The following INTS14 variants were observed in gnomAD, a reference collection of about 807,000 sequenced individuals.
INTS14 encodes the protein integrator complex subunit 14.
INTS14 carries 27 observed loss-of-function variants against 56.9 expected under a neutral mutation model. The observed-to-expected ratio is 0.47, with a 90% CI of 0.35 to 0.65. The LOEUF is 0.65. Among genes scored for constraint, INTS14 ranks in the 30% least tolerant of loss-of-function variants. The pLI is 0.00. For synonymous variants in INTS14, 207 were observed against 236.2 expected (o/e 0.88, Z 1.13); for missense variants, 517 against 632.2 (o/e 0.82, Z 1.95).
chr15:65,581,672 G>T (rs1253742339), intron 11 of INTS14, among the ~76,000 whole-genome samples: 3 of 151,894 alleles, frequency 2.0e-5, no homozygotes, highest in Non-Finnish European at 2.9e-5. Flanking sequence ...GGAGAGTTCA[G>T]GGCTATGACC....
intron 11 of INTS14, 71 bp from the exon 12 acceptor site, chr15:65,579,730 T>G: frequency 6.5e-7 from 1 of 1,531,358 alleles, no homozygotes; most frequent in Non-Finnish European, 8.8e-7. Flanking sequence ...AGTGCTCAGC[T>G]TAGCATAAGT....
At chr15:65,610,984 C>T in intron 1 of INTS14, 114 bp downstream of exon 1, 2 of 1,493,956 alleles carry the variant, frequency 1.3e-6, no homozygotes, top group South Asian at 1.3e-5. Flanking sequence ...GCGGCCGCCA[C>T]GGTGGCGGGA....
intron 5 of INTS14, 116 bp from the exon 6 acceptor site, chr15:65,598,579 A>G: frequency 9.0e-7 from 1 of 1,114,484 alleles, no homozygotes; most frequent in Non-Finnish European, 1.3e-6. Flanking sequence ...AGATCTGACC[A>G]TCTGTAAAAC....
Position 65,609,453 on chromosome 15 carries a change from G to A in INTS14, c.-63+1645C>T, listed in dbSNP as rs979079357. Among the ~76,000 whole-genome samples the A allele has an allele frequency of 7.3e-5, 11 of 151,516 alleles. 1 individual carries two copies. Among genetic ancestry groups the A allele is most frequent in the Non-Finnish European group, 1.5e-4 (10 of 67,954 alleles). On this transcript the variant is annotated intron_variant, in intron 1 of 11. Coordinates refer to ENST00000313182, the MANE Select transcript of INTS14 (RefSeq NM_001394796.1). ...ATATTGGTTCAACTACACTATATTA[G>A]ACCATAACATACGCTCACTAAGGGC... is the stretch of plus-strand genomic sequence containing the variant.
chr15:65,579,579 C>T lies in INTS14; in HGVS notation c.1386G>A (p.Arg462=), dbSNP rs1368778649. The T allele has an allele frequency of 6.2e-7, 1 of 1,614,210 alleles. No individual in the cohort carries two copies. The highest frequency in any genetic ancestry group is 8.5e-7 in the Non-Finnish European group (1 of 1,180,040). Residue 462 remains arginine, a synonymous_variant, in exon 12 of 12, where the codon AGG becomes AGA. Transcript: ENST00000313182. ...LLKGVADMLE[R]ECTLLPETAH... is the part of the protein sequence containing the mutation. The stretch of plus-strand genomic sequence containing the variant: ...CTGTCTCAGGCAGCAGTGTGCATTC[C>T]CTTTCCAGCATGTCAGCCACCCCTT...
At chr15:65,609,568 C>T (rs2073791301) in intron 1 of INTS14, among the ~76,000 whole-genome samples, 1 of 152,188 alleles carries the variant, frequency 6.6e-6, no homozygotes, top group South Asian at 2.1e-4. Context: ...TTGATAACAA[C>T]TGATGAACTA....
At chr15:65,604,047 T>A (rs1394925034) in intron 3 of INTS14, among the ~76,000 whole-genome samples, 1 of 152,224 alleles carries the variant, frequency 6.6e-6, no homozygotes, top group Non-Finnish European at 1.5e-5. Flanking sequence ...GATACTAATG[T>A]GGCCTACTGT....
At chr15:65,598,739 T>G (rs2073311090) in intron 5 of INTS14, 133 bp downstream of exon 5, 1 of 825,778 alleles carries the variant, frequency 1.2e-6, no homozygotes, top group South Asian at 1.9e-5. Flanking sequence ...ACCCATCACT[T>G]TATCTGAAAA....
At chr15:65,594,663 A>T (rs1229146899) in intron 7 of INTS14, among the ~76,000 whole-genome samples, 2 of 151,228 alleles carry the variant, frequency 1.3e-5, no homozygotes, top group Non-Finnish European at 2.9e-5. Flanking sequence ...TGGCCTCCCA[A>T]AGTGCTGGGA....
chr15:65,587,823 A>C (rs928791362), intron 9 of INTS14, among the ~76,000 whole-genome samples: 1 of 152,016 alleles, frequency 6.6e-6, no homozygotes, highest in African/African-American at 2.4e-5. Flanking sequence ...CTATAAAAAA[A>C]TCAAAAAAAT....
At chr15:65,590,232 T>G (rs910864236) in intron 9 of INTS14, among the ~76,000 whole-genome samples, 1 of 152,224 alleles carries the variant, frequency 6.6e-6, no homozygotes, top group African/African-American at 2.4e-5. Flanking sequence ...CACAGAGATA[T>G]CTTTCTAAAT....
At chr15:65,598,655 T>C in intron 5 of INTS14, 192 bp from the exon 6 acceptor site, 2 of 760,666 alleles carry the variant, frequency 2.6e-6, no homozygotes, top group Non-Finnish European at 2.0e-6. Flanking sequence ...CAAGTTAATT[T>C]GAAATTTTGC....
At chr15:65,607,556 G>T in intron 1 of INTS14, 114 bp from the exon 2 acceptor site, 2 of 1,227,116 alleles carry the variant, frequency 1.6e-6, no homozygotes, top group Non-Finnish European at 2.2e-6. Flanking sequence ...AAGTTGAGGT[G>T]AGGAATAATC....
Position 65,579,280 on chromosome 15 carries a change from T to C in INTS14, c.*128A>G, listed in dbSNP as rs2072486483. 1.8e-5 allele frequency: 23 copies of C among 1,310,276 alleles called. No homozygotes were observed. The highest frequency in any genetic ancestry group is 2.3e-5 in the Non-Finnish European group (22 of 956,804). 81.2% of individuals were successfully genotyped at this position (1,310,276 alleles called of 1,614,324 possible). ...TAGTAGAGTCATTCAAAACAGCAAGTGGTGCTTCTGAGGCAGCCTCAGGAA... is the reference window on the plus strand; with the variant it reads ...TAGTAGAGTCATTCAAAACAGCAAGCGGTGCTTCTGAGGCAGCCTCAGGAA... On this transcript the variant is annotated 3_prime_UTR_variant, in exon 12 of 12. Coordinates refer to ENST00000313182, the MANE Select transcript of INTS14 (RefSeq NM_001394796.1).
chr15:65,599,740 C>G, intron 4 of INTS14, 34 bp downstream of exon 4: 1 of 1,606,384 alleles, frequency 6.2e-7, no homozygotes, highest in Non-Finnish European at 8.5e-7. Flanking sequence ...TAAAATATGC[C>G]TAATCAAACT....
chr15:65,598,443 T>C lies in INTS14; in HGVS notation c.626A>G (p.Tyr209Cys), dbSNP rs141108853. ...SMFGKLIDLA[Y>C]TPFHAVLKCG... ...CTTGAGAACAGCATGGAAAGGCGTA[T>C]ATGCCAAATCTATCAGTTTTCTAGA... The change falls in exon 6 of 12, where the codon TAT becomes TGT. Residue 209 changes from tyrosine (Y) to cysteine (C), a missense_variant. Transcript: ENST00000313182. 27 of 1,613,838 alleles carry C rather than the reference T, an allele frequency of 1.7e-5. No homozygotes were observed. Among genetic ancestry groups the C allele is most frequent in the Non-Finnish European group, 2.3e-5 (27 of 1,179,898 alleles).
intron 2 of INTS14, 111 bp from the exon 3 acceptor site, chr15:65,605,347 C>G (rs1417126932): frequency 4.0e-6 from 3 of 745,004 alleles, no homozygotes; most frequent in East Asian, 5.3e-5. Flanking sequence ...ACTGATGTAT[C>G]TGAGAGCACC....
In INTS14 at chr15:65,598,882, A is replaced by T. The variant is rs1399417978; in HGVS notation, c.595T>A (p.Ser199Thr). 1 of 1,612,736 alleles carries T rather than the reference A, an allele frequency of 6.2e-7. No homozygotes were observed. Among genetic ancestry groups the T allele is most frequent in the African/African-American group, 1.3e-5 (1 of 74,884 alleles). The change falls in exon 5 of 12, where the codon TCT becomes ACT. Residue 199 changes from serine to threonine, a missense_variant. Transcript: ENST00000313182. Reference protein sequence around the residue: ...DGPLCLKNVQSMFGKLIDLAY... With the variant: ...DGPLCLKNVQTMFGKLIDLAY... ...TAAGCATATACTCACCCAAACATAG[A>T]CTGTACATTCTTCAAGCACAGGGGG...
intron 8 of INTS14, among the ~76,000 whole-genome samples, chr15:65,593,053 A>G (rs754509727): frequency 2.0e-5 from 3 of 151,700 alleles, no homozygotes; most frequent in Non-Finnish European, 2.9e-5. Flanking sequence ...CCAGGAGTTC[A>G]AGACCAGTGT....
Sources: gnomAD v4.1 joint callset for allele counts (sites outside exome capture counted in the v4.1 genomes callset) on GRCh38, gnomAD v4.1.1 for gene constraint, MANE v1.5 for transcripts, NCBI Gene and HGNC (gene_info 2026-07-23, HGNC 2026-07-21) for gene names.